Variants in NIPBL observed in about 807,000 individuals in gnomAD.
The protein encoded by NIPBL is NIPBL cohesin loading factor, also known as nipped-B-like protein.
A neutral mutation model predicts 321.8 loss-of-function variants in NIPBL; 19 were observed. The ratio of observed to expected loss-of-function variants is 0.06; its 90% confidence interval spans 0.04 to 0.09. The LOEUF is 0.09. NIPBL is among the 10% of genes least tolerant of loss of function. The pLI is 1.00. For missense variants in NIPBL, 2,210 were observed against 3,327.0 expected (o/e 0.66, Z 8.26); for synonymous variants, 1,106 against 1,114.1 (o/e 0.99, Z 0.14).
chr5:37,026,305 A>G lies in NIPBL; in HGVS notation c.5786A>G (p.Lys1929Arg), dbSNP rs374294679. The change falls in exon 31 of 47, where the codon AAA becomes AGA. Residue 1929 changes from lysine (K) to arginine (R), a missense_variant. By Grantham distance (26) the Lys-to-Arg change is conservative. This residue lies in a region of NIPBL where 69 missense variants were observed against 100.8 expected (regional missense o/e 0.68). Coordinates refer to ENST00000282516, the MANE Select transcript of NIPBL (RefSeq NM_133433.4). ...AATGACAAAGAAGCAATGACAAGGA[A>G]AATTTTAAACATTACCGATGTGGTA... Reference protein sequence around the residue: ...PHNDKEAMTRKILNITDVVAA... With the variant: ...PHNDKEAMTRRILNITDVVAA... The G allele has an allele frequency of 4.3e-6, 7 of 1,609,244 alleles. No homozygotes were observed. The highest frequency in any genetic ancestry group is 4.3e-6 in the Non-Finnish European group (5 of 1,176,040).
At position 36,877,020 on chromosome 5, in the gene NIPBL, A is replaced by T; in HGVS notation, c.-238A>T. 1 of 355,638 alleles carries T rather than the reference A, an allele frequency of 2.8e-6. No homozygotes were observed. 22.0% of individuals were successfully genotyped at this position (355,638 alleles called of 1,614,324 possible). On this transcript the variant is annotated 5_prime_UTR_variant, in exon 1 of 47. Transcript: ENST00000282516. Reference sequence around the variant, plus strand: ...GGAGGAGGAGGAGGAAGAAGAAGCAACGATTTGTCTTCTCGGCTGGTCTCC... The same window carrying T: ...GGAGGAGGAGGAGGAAGAAGAAGCATCGATTTGTCTTCTCGGCTGGTCTCC...
Position 37,007,396 on chromosome 5 carries a change from T to C in NIPBL, c.4161T>C (p.Tyr1387=), listed in dbSNP as rs752419634. 3.1e-6 allele frequency: 5 copies of C among 1,611,472 alleles called. No individual in the cohort carries two copies. The highest frequency in any genetic ancestry group is 1.3e-5 in the African/African-American group (1 of 74,868). ...AGCAGAGAGTAATAGTAATGCTTTA[T>C]AACAAAGTTTGTGACATTGTTAGCA... ...THKQRVIVML[Y]NKVCDIVSSL... Residue 1387 remains tyrosine, a synonymous_variant, in exon 18 of 47, where the codon TAT becomes TAC. Coordinates refer to ENST00000282516, the MANE Select transcript of NIPBL (RefSeq NM_133433.4).
At chr5:36,890,399 T>C (rs1746232312) in intron 1 of NIPBL, among the ~76,000 whole-genome samples, 1 of 152,246 alleles carries the variant, frequency 6.6e-6, no homozygotes. Context: ...ATAATCTTTA[T>C]TTTCATTCAC....
At chr5:36,885,585 A>G in intron 1 of NIPBL, 2 of 533,166 alleles carry the variant, frequency 3.8e-6, no homozygotes, top group East Asian at 5.0e-5. Context: ...GACTGGGGCC[A>G]TTACTTCAAG....
chr5:37,059,276 G>A (rs1426451543), intron 44 of NIPBL, 111 bp downstream of exon 44: 5 of 1,150,902 alleles, frequency 4.3e-6, no homozygotes, highest in African/African-American at 1.5e-5. Flanking sequence ...GGAGGCTGAG[G>A]CGGGCAGATC....
At chr5:36,925,712 C>T (rs1749310233) in intron 1 of NIPBL, among the ~76,000 whole-genome samples, 1 of 152,310 alleles carries the variant, frequency 6.6e-6, no homozygotes, top group African/African-American at 2.4e-5. Flanking sequence ...GTTTTTGCCA[C>T]TATTGCATAT....
intron 6 of NIPBL, 59 bp from the exon 7 acceptor site, chr5:36,970,817 A>C: frequency 7.2e-7 from 1 of 1,390,228 alleles, no homozygotes; most frequent in South Asian, 1.2e-5. Context: ...AATAATTACT[A>C]TTCTCCAAGA....
At chr5:37,004,063 C>T (rs1447422722) in intron 16 of NIPBL, among the ~76,000 whole-genome samples, 4 of 151,970 alleles carry the variant, frequency 2.6e-5, no homozygotes, top group Admixed American at 6.6e-5. Context: ...CCTTATATAC[C>T]GTTTTTATAC....
chr5:36,910,195 A>T (rs1747942715), intron 1 of NIPBL, among the ~76,000 whole-genome samples: 1 of 152,198 alleles, frequency 6.6e-6, no homozygotes, highest in Non-Finnish European at 1.5e-5. Flanking sequence ...ATAAATAAAA[A>T]AGTAGAACCA....
In NIPBL at chr5:37,020,345, T is replaced by A; in HGVS notation, c.5011-114T>A. 4 of 763,330 alleles carry A rather than the reference T, an allele frequency of 5.2e-6. No homozygotes were observed. In the South Asian group the frequency reaches 6.4e-5, roughly 12 times the overall value. The allele number at this position is 763,330 out of a possible 1,614,324, so 47.3% of individuals were successfully genotyped here. ...ATCTGTTTTTATCACATGGAAGTTG[T>A]TTTAAAGTAAACTTTAATATTTGTA... On this transcript the variant is annotated intron_variant, in intron 25 of 46. Transcript: ENST00000282516.
At chr5:37,059,437 G>A (rs555479051) in intron 44 of NIPBL, among the ~76,000 whole-genome samples, 1 of 152,276 alleles carries the variant, frequency 6.6e-6, no homozygotes, top group African/African-American at 2.4e-5. Context: ...AACCTGGGAG[G>A]CGGAGATTGC....
Position 36,886,140 on chromosome 5 carries a change from T to C in NIPBL, c.-80+8962T>C. On this transcript the variant is annotated intron_variant, in intron 1 of 46. Coordinates refer to ENST00000282516, the MANE Select transcript of NIPBL (RefSeq NM_133433.4). Reference sequence around the variant, plus strand: ...TCCTTGGAGATCCATCTGGACTTGATAAGAAATCTGAAGGCCAGCTTCTGG... The same window carrying C: ...TCCTTGGAGATCCATCTGGACTTGACAAGAAATCTGAAGGCCAGCTTCTGG... The C allele has an allele frequency of 4.6e-6, 3 of 647,940 alleles. No individual in the cohort carries two copies. In the South Asian group the frequency reaches 4.7e-5, roughly 10 times the overall value. 40.1% of individuals were successfully genotyped at this position (647,940 alleles called of 1,614,324 possible). A position where few individuals can be genotyped will look rare whatever the true frequency, so the allele number is the denominator to read the frequency against.
At position 37,028,935 on chromosome 5, in the gene NIPBL, A is replaced by G. The variant is rs535046901; in HGVS notation, c.5862+1523A>G. Among the ~76,000 whole-genome samples, 4 of 152,222 alleles carry G rather than the reference A, an allele frequency of 2.6e-5. No homozygotes were observed. The South Asian group carries it at 8.3e-4, about 32-fold the overall frequency. On this transcript the variant is annotated intron_variant, in intron 32 of 46. Coordinates refer to ENST00000282516, the MANE Select transcript of NIPBL (RefSeq NM_133433.4). Reference sequence around the variant, plus strand: ...TATGTTTTTCTGTAGAATCTCCCACATTCTGGATTTAATAGTCCACTTTTT... The same window carrying G: ...TATGTTTTTCTGTAGAATCTCCCACGTTCTGGATTTAATAGTCCACTTTTT...
At chr5:36,930,948 A>T (rs1490812169) in intron 1 of NIPBL, among the ~76,000 whole-genome samples, 2 of 152,146 alleles carry the variant, frequency 1.3e-5, no homozygotes, top group Non-Finnish European at 2.9e-5. Flanking sequence ...GCCAGTTTTT[A>T]AAAAATAATT....
chr5:37,045,435 T>G lies in NIPBL; in HGVS notation c.6344-8T>G. ...ATATTATAAGTAAATATTACTTATCTTTATTAGGTGCCATTTCAAAATTAA... is the reference window on the plus strand; with the variant it reads ...ATATTATAAGTAAATATTACTTATCGTTATTAGGTGCCATTTCAAAATTAA... On this transcript the variant is annotated splice_region_variant and splice_polypyrimidine_tract_variant and intron_variant, in intron 36 of 46. Coordinates refer to ENST00000282516, the MANE Select transcript of NIPBL (RefSeq NM_133433.4). 1.3e-6 allele frequency: 2 copies of G among 1,583,452 alleles called. No individual in the cohort carries two copies. Among genetic ancestry groups the G allele is most frequent in the Non-Finnish European group, 1.7e-6 (2 of 1,153,344 alleles).
intron 37 of NIPBL, 113 bp from the exon 38 acceptor site, chr5:37,045,996 T>C: frequency 4.5e-6 from 3 of 659,458 alleles, no homozygotes; most frequent in Non-Finnish European, 5.5e-6. Context: ...TACTTATTTT[T>C]TTAATAAAGT....
chr5:37,013,216 G>A lies in NIPBL; in HGVS notation c.4561-1467G>A, dbSNP rs551983663. On this transcript the variant is annotated intron_variant, in intron 21 of 46. Transcript: ENST00000282516. ...CGGACGGGGCGGCTGGCCGGGCAGA[G>A]GGGCTCCTCACTTCCCAGTAGGCGC... Among the ~76,000 whole-genome samples the A allele has an allele frequency of 2.8e-3, 418 of 150,000 alleles. 2 individuals are homozygous for A. Among genetic ancestry groups the A allele is most frequent in the African/African-American group, 9.8e-3 (399 of 40,648 alleles).
intron 1 of NIPBL, among the ~76,000 whole-genome samples, chr5:36,924,420 G>A (rs1029738988): frequency 7.2e-5 from 11 of 152,098 alleles, no homozygotes; most frequent in Non-Finnish European, 1.5e-4. Flanking sequence ...CATAGGCCTG[G>A]AGTAAGATTT....
At chr5:37,026,627 C>CCA (rs2149705073) in intron 31 of NIPBL, among the ~76,000 whole-genome samples, 1 of 152,160 alleles carries the variant, frequency 6.6e-6, no homozygotes, top group Non-Finnish European at 1.5e-5. Flanking sequence ...ATACAATCGC[C>CCA]CAAGGGTAAT....
Sources: gnomAD v4.1 joint callset for allele counts (sites outside exome capture counted in the v4.1 genomes callset) on GRCh38, gnomAD v4.1.1 for gene constraint, gnomAD v4.1.1 regional missense constraint, MANE v1.5 for transcripts, NCBI Gene and HGNC (gene_info 2026-07-23, HGNC 2026-07-21) for gene names.